The following RB1CC1 variants were observed in gnomAD, a reference collection of about 807,000 sequenced individuals.
RB1CC1 encodes RB1-inducible coiled-coil protein 1.
A neutral mutation model predicts 177.5 loss-of-function variants in RB1CC1; 46 were observed. The ratio of observed to expected loss-of-function variants is 0.26; its 90% CI spans 0.20 to 0.33. The LOEUF is 0.33. RB1CC1 is among the 10% of genes least tolerant of loss of function. RB1CC1 has a pLI of 1.00. For synonymous variants in RB1CC1, 666 were observed against 613.6 expected (o/e 1.09, Z -1.26); for missense variants, 1,703 against 1,816.3 (o/e 0.94, Z 1.13).
intron 20 of RB1CC1, among the ~76,000 whole-genome samples, chr8:52,634,301 T>C (rs1218521091): frequency 6.6e-6 from 1 of 152,108 alleles, no homozygotes; most frequent in South Asian, 2.1e-4. Context: ...GGTGCGCAGA[T>C]CACCTGAGGC....
At chr8:52,624,383 T>C (rs904418970) in intron 23 of RB1CC1, among the ~76,000 whole-genome samples, 1 of 151,996 alleles carries the variant, frequency 6.6e-6, no homozygotes, top group African/African-American at 2.4e-5. Flanking sequence ...AAAGATCAAC[T>C]GTATTTATAA....
At chr8:52,680,996 T>TG (rs1389877008) in intron 5 of RB1CC1, among the ~76,000 whole-genome samples, 2,089 of 104,850 alleles carry the variant, frequency 0.02, 32 homozygotes, top group African/African-American at 0.055. Flanking sequence ...GTGTGTGTGT[T>TG]TTTTTTTTTT....
At chr8:52,687,935 C>A (rs1232843011) in intron 1 of RB1CC1, among the ~76,000 whole-genome samples, 1 of 152,164 alleles carries the variant, frequency 6.6e-6, no homozygotes, top group East Asian at 1.9e-4. Flanking sequence ...TCAGGGACCC[C>A]AAACAGAGCG....
chr8:52,645,654 T>G, intron 16 of RB1CC1, 48 bp downstream of exon 16: 2 of 1,556,306 alleles, frequency 1.3e-6, no homozygotes, highest in South Asian at 2.4e-5. Flanking sequence ...TGTTAATTTA[T>G]GTCTACCTTC....
chr8:52,686,653 T>G (rs1854298468), intron 2 of RB1CC1, among the ~76,000 whole-genome samples, 200 bp downstream of exon 2: 2 of 152,200 alleles, frequency 1.3e-5, no homozygotes, highest in African/African-American at 2.4e-5. Context: ...ATCCATAAGA[T>G]TAATGAAACT....
In RB1CC1 at chr8:52,623,664, T is replaced by C. The variant is rs761331541; in HGVS notation, c.*118A>G. 6.9e-6 allele frequency: 5 copies of C among 723,772 alleles called. No homozygotes were observed. The highest frequency in any genetic ancestry group is 1.0e-5 in the Non-Finnish European group (4 of 396,474). 44.8% of individuals were successfully genotyped at this position (723,772 alleles called of 1,614,324 possible). ...AAGTAAACGATGTACACCAGTGAAG[T>C]ATATTGTCACGCTGACTTTTGCATA... On this transcript the variant is annotated 3_prime_UTR_variant, in exon 24 of 24. Coordinates refer to ENST00000025008, the MANE Select transcript of RB1CC1 (RefSeq NM_014781.5).
At chr8:52,668,214 C>T (rs752800732) in intron 7 of RB1CC1, 23 bp from the exon 8 acceptor site, 13 of 1,606,988 alleles carry the variant, frequency 8.1e-6, no homozygotes, top group Admixed American at 3.3e-5. Flanking sequence ...GAAACACATA[C>T]GAATACAATT....
intron 20 of RB1CC1, among the ~76,000 whole-genome samples, chr8:52,631,681 C>A (rs1156861462): frequency 6.6e-6 from 1 of 152,178 alleles, no homozygotes; most frequent in Non-Finnish European, 1.5e-5. Context: ...TCCAAACTAC[C>A]TTTAAGATCC....
At chr8:52,652,781 G>A (rs1221897980) in intron 15 of RB1CC1, among the ~76,000 whole-genome samples, 1 of 152,132 alleles carries the variant, frequency 6.6e-6, no homozygotes, top group African/African-American at 2.4e-5. Flanking sequence ...TTGCTGGCCA[G>A]GCGTGGTGGC....
At chr8:52,645,245 G>A (rs1280777464) in intron 16 of RB1CC1, among the ~76,000 whole-genome samples, 2 of 152,168 alleles carry the variant, frequency 1.3e-5, no homozygotes, top group Admixed American at 6.5e-5. Flanking sequence ...AGATATTTAT[G>A]TTGATCTGAA....
chr8:52,629,028 G>A (rs1848583891), intron 21 of RB1CC1, among the ~76,000 whole-genome samples: 1 of 152,142 alleles, frequency 6.6e-6, no homozygotes, highest in Non-Finnish European at 1.5e-5. Flanking sequence ...GCCTCTATGA[G>A]GCAGTATTTT....
intron 15 of RB1CC1, among the ~76,000 whole-genome samples, chr8:52,649,578 G>C (rs1850386185): frequency 6.6e-6 from 1 of 152,198 alleles, no homozygotes; most frequent in Non-Finnish European, 1.5e-5. Context: ...AGAGGTGGCA[G>C]TAAGCCGAGA....
chr8:52,657,082 A>G lies in RB1CC1; in HGVS notation c.2747T>C (p.Val916Ala). ...LQNKDNEFAL[V>A]KHEKEAVICL... Reference sequence around the variant, plus strand: ...GATTACAGCTTCTTTTTCATGTTTAACCAAAGCAAATTCATTATCTTTATT... The same window carrying G: ...GATTACAGCTTCTTTTTCATGTTTAGCCAAAGCAAATTCATTATCTTTATT... Residue 916 changes from valine (V) to alanine (A), a missense_variant, in exon 15 of 24, where the codon GTT (valine) becomes GCT (alanine). By Grantham distance (64) the Val-to-Ala change is moderately conservative. This residue lies in a region of RB1CC1 where 1,169 missense variants were observed against 1,184.7 expected (regional missense o/e 0.99). Coordinates refer to ENST00000025008, the MANE Select transcript of RB1CC1 (RefSeq NM_014781.5). 6.2e-7 allele frequency: 1 copy of G among 1,611,316 alleles called. No homozygotes were observed. Among genetic ancestry groups the G allele is most frequent in the Non-Finnish European group, 8.5e-7 (1 of 1,179,322 alleles).
At chr8:52,657,935 G>A (rs1385097790) in intron 14 of RB1CC1, 27 bp from the exon 15 acceptor site, 1 of 1,612,660 alleles carries the variant, frequency 6.2e-7, no homozygotes, top group Non-Finnish European at 8.5e-7. Flanking sequence ...AAGGCTTAAA[G>A]AGCTGCAGGA....
intron 7 of RB1CC1, among the ~76,000 whole-genome samples, chr8:52,670,470 T>C (rs1341276851): frequency 6.6e-6 from 1 of 152,140 alleles, no homozygotes; most frequent in Non-Finnish European, 1.5e-5. Context: ...AAACAAAGTT[T>C]CTTACACTCT....
intron 18 of RB1CC1, 54 bp from the exon 19 acceptor site, chr8:52,636,123 C>A: frequency 1.3e-6 from 2 of 1,540,500 alleles, no homozygotes; most frequent in Non-Finnish European, 1.7e-6. Flanking sequence ...TTACATTCTT[C>A]AAGATTTTAG....
intron 8 of RB1CC1, among the ~76,000 whole-genome samples, chr8:52,666,133 T>G (rs1313630325): frequency 6.6e-6 from 1 of 152,040 alleles, no homozygotes; most frequent in Non-Finnish European, 1.5e-5. Context: ...AAGAAAACGT[T>G]ATCCTAGGCC....
intron 1 of RB1CC1, among the ~76,000 whole-genome samples, chr8:52,693,382 G>A (rs576982097): frequency 6.6e-6 from 1 of 151,926 alleles, no homozygotes; most frequent in African/African-American, 2.4e-5. Context: ...ATCTGACAAA[G>A]GTCTAATATC....
intron 8 of RB1CC1, among the ~76,000 whole-genome samples, chr8:52,665,409 TA>T (rs1044756414): frequency 5.9e-5 from 9 of 152,282 alleles, no homozygotes; most frequent in East Asian, 1.9e-4. Context: ...AATTAATATT[TA>T]AAATGAACAA....
Sources: gnomAD v4.1 joint callset for allele counts (sites outside exome capture counted in the v4.1 genomes callset) on GRCh38, gnomAD v4.1.1 for gene constraint, gnomAD v4.1.1 regional missense constraint, MANE v1.5 for transcripts, NCBI Gene and HGNC (gene_info 2026-07-23, HGNC 2026-07-21) for gene names.